RIMS4: variants seen among roughly 807,000 people sequenced by gnomAD.
RIMS4 encodes the protein regulating synaptic membrane exocytosis 4.
In RIMS4, 9 loss-of-function variants were observed where a neutral mutation model predicts 29.0. That is an observed-to-expected ratio of 0.31 (90% CI 0.19 to 0.54). The LOEUF (loss-of-function observed/expected upper bound fraction) is 0.54, where lower values mean the gene tolerates loss of function less well. Among genes scored for constraint, RIMS4 ranks in the 20% least tolerant of loss-of-function variants. The pLI, the probability that RIMS4 is intolerant of heterozygous loss-of-function variation, is 0.94. For synonymous variants in RIMS4, 130 were observed against 152.9 expected (o/e 0.85, Z 1.10); for missense variants, 193 against 365.7 (o/e 0.53, Z 3.85).
At position 44,756,811 on chromosome 20, in the gene RIMS4, C is replaced by A; in HGVS notation, c.591+87G>T. The A allele has an allele frequency of 7.2e-7, 1 of 1,391,128 alleles. No individual in the cohort carries two copies. Among genetic ancestry groups the A allele is most frequent in the South Asian group, 1.7e-5 (1 of 57,220 alleles). 86.2% of individuals were successfully genotyped at this position (1,391,128 alleles called of 1,614,324 possible). Reference sequence around the variant, plus strand: ...CAGGCGAGGCCCTCCAGAGACACCCCCCGCCAGGGGTGCCCTCCTCTCATT... The same window carrying A: ...CAGGCGAGGCCCTCCAGAGACACCCACCGCCAGGGGTGCCCTCCTCTCATT... On this transcript the variant is annotated intron_variant, in intron 5 of 5. Coordinates refer to ENST00000372851, the MANE Select transcript of RIMS4 (RefSeq NM_182970.4). This position sits in a 1 kb window ranked among gnomAD's most constrained non-coding sequence, Gnocchi z 5.9.
chr20:44,764,065 T>TCCA, intron 2 of RIMS4, among the ~76,000 whole-genome samples: 4 of 132,946 alleles, frequency 3.0e-5, no homozygotes, highest in African/African-American at 1.2e-4. Flanking sequence ...CATCCATCCA[T>TCCA]TTATCCATCC....
intron 1 of RIMS4, among the ~76,000 whole-genome samples, chr20:44,791,231 T>C (rs985615692): frequency 2.0e-5 from 3 of 152,286 alleles, no homozygotes; most frequent in Non-Finnish European, 4.4e-5. Context: ...TGAAGCATTC[T>C]ACTTTTGGAT....
intron 1 of RIMS4, among the ~76,000 whole-genome samples, chr20:44,780,273 T>C (rs377281422): frequency 6.6e-6 from 1 of 152,210 alleles, no homozygotes; most frequent in Non-Finnish European, 1.5e-5. Flanking sequence ...TGGTGGTATA[T>C]AAAGTTGTGA....
chr20:44,795,601 C>T (rs1010267160), intron 1 of RIMS4, among the ~76,000 whole-genome samples: 1 of 151,768 alleles, frequency 6.6e-6, no homozygotes, highest in Non-Finnish European at 1.5e-5. Flanking sequence ...CACTGCACTC[C>T]AGCCTGGGAG....
intron 1 of RIMS4, among the ~76,000 whole-genome samples, chr20:44,781,435 T>G (rs2066184204): frequency 6.6e-6 from 1 of 152,230 alleles, no homozygotes; most frequent in East Asian, 1.9e-4. Context: ...AATGCTGAAT[T>G]ATACTTGATT....
At position 44,756,551 on chromosome 20, in the gene RIMS4, G is replaced by A. The variant is rs1000502046; in HGVS notation, c.592-199C>T. ...GCCTCCAGAGGCTGTTGATGGTAAT[G>A]GTGACGGTGACGATGGTAATGGGTA... is the stretch of plus-strand genomic sequence containing the variant. On this transcript the variant is annotated intron_variant, in intron 5 of 5. Coordinates refer to ENST00000372851, the MANE Select transcript of RIMS4 (RefSeq NM_182970.4). The surrounding 1 kb of genome is among the most constrained non-coding windows in gnomAD (Gnocchi z 5.9). Among the ~76,000 whole-genome samples the A allele has an allele frequency of 1.3e-5, 2 of 152,220 alleles. No individual in the cohort carries two copies. The highest frequency in any genetic ancestry group is 1.3e-4 in the Admixed American group (2 of 15,288).
At chr20:44,793,590 C>A (rs533275634) in intron 1 of RIMS4, among the ~76,000 whole-genome samples, 1 of 152,304 alleles carries the variant, frequency 6.6e-6, no homozygotes, top group Admixed American at 6.5e-5. Flanking sequence ...TTGAGACAGA[C>A]CCTGAAAGCT....
intron 2 of RIMS4, among the ~76,000 whole-genome samples, chr20:44,770,413 T>C (rs923043690): frequency 1.3e-5 from 2 of 152,182 alleles, no homozygotes; most frequent in African/African-American, 4.8e-5. Flanking sequence ...GAGAAAAGCA[T>C]GTTCGCAGGA....
chr20:44,801,843 T>C (rs2066278700), intron 1 of RIMS4, among the ~76,000 whole-genome samples: 1 of 152,142 alleles, frequency 6.6e-6, no homozygotes, highest in African/African-American at 2.4e-5. Flanking sequence ...CTGAATTTGG[T>C]ACCCAGTGTC....
chr20:44,764,500 G>A (rs534680097), intron 2 of RIMS4, among the ~76,000 whole-genome samples: 1 of 152,274 alleles, frequency 6.6e-6, no homozygotes, highest in South Asian at 2.1e-4. Flanking sequence ...ATTTGACCTT[G>A]AAAATGACCT....
At position 44,761,632 on chromosome 20, in the gene RIMS4, G is replaced by T. The variant is rs533487439; in HGVS notation, c.237-3448C>A. 6.1e-4 allele frequency among the ~76,000 whole-genome samples: 93 copies of T among 152,298 alleles called. 1 individual carries two copies. The highest frequency in any genetic ancestry group is 1.9e-3 in the African/African-American group (77 of 41,566). On this transcript the variant is annotated intron_variant, in intron 2 of 5. Transcript: ENST00000372851. ...TGGTAGCAGGCTTGATGACGCATCC[G>T]TTATTAGCTCCCCTCCCTTCCCATC...
chr20:44,796,853 A>G (rs1252352547), intron 1 of RIMS4, among the ~76,000 whole-genome samples: 1 of 152,252 alleles, frequency 6.6e-6, no homozygotes. Context: ...ATCTGGCTCT[A>G]TACAACACTT....
intron 4 of RIMS4, among the ~76,000 whole-genome samples, 174 bp downstream of exon 4, chr20:44,757,496 C>T (rs1237624604): frequency 6.6e-6 from 1 of 152,188 alleles, no homozygotes; most frequent in Non-Finnish European, 1.5e-5. Flanking sequence ...AACAGACAAT[C>T]TCAACTGGCT....
At chr20:44,779,055 C>G (rs1299848833) in intron 1 of RIMS4, among the ~76,000 whole-genome samples, 2 of 152,356 alleles carry the variant, frequency 1.3e-5, no homozygotes, top group Middle Eastern at 3.4e-3. Context: ...CTAACACACA[C>G]TGTCTTTCTG....
At chr20:44,787,039 T>C (rs1299104278) in intron 1 of RIMS4, among the ~76,000 whole-genome samples, 1 of 152,170 alleles carries the variant, frequency 6.6e-6, no homozygotes, top group Non-Finnish European at 1.5e-5. Context: ...ATAGAGAGGA[T>C]GCTAGAAGGC....
intron 1 of RIMS4, among the ~76,000 whole-genome samples, chr20:44,791,114 C>A (rs1275547989): frequency 1.3e-5 from 2 of 152,234 alleles, no homozygotes; most frequent in East Asian, 3.8e-4. Context: ...ATGGTAGCTT[C>A]AGCTTACAAA....
chr20:44,809,438 C>A (rs992585312), intron 1 of RIMS4, among the ~76,000 whole-genome samples: 1 of 152,058 alleles, frequency 6.6e-6, no homozygotes, highest in South Asian at 2.1e-4. Flanking sequence ...AAGCCGCTGG[C>A]TGGTGGCCGG....
chr20:44,796,858 A>G (rs2066257319), intron 1 of RIMS4, among the ~76,000 whole-genome samples: 1 of 152,226 alleles, frequency 6.6e-6, no homozygotes, highest in Admixed American at 6.5e-5. Flanking sequence ...GCTCTATACA[A>G]CACTTGTTTC....
chr20:44,802,704 C>T (rs1247381658), intron 1 of RIMS4, among the ~76,000 whole-genome samples: 2 of 152,168 alleles, frequency 1.3e-5, no homozygotes, highest in Non-Finnish European at 2.9e-5. Flanking sequence ...AGTTCTTGGC[C>T]TCTCTCTAAC....
Sources: allele counts gnomAD v4.1 joint callset (sites outside exome capture counted in the v4.1 genomes callset), GRCh38; gene constraint gnomAD v4.1.1; non-coding constraint Gnocchi (gnomAD v3.1); transcripts MANE v1.5; gene names NCBI Gene and HGNC (gene_info 2026-07-23, HGNC 2026-07-21).